TENM3: variants seen among roughly 807,000 people sequenced by gnomAD.
The protein encoded by TENM3 is teneurin-3.
A neutral mutation model predicts 255.1 loss-of-function variants in TENM3; 63 were observed. The ratio of observed to expected loss-of-function variants is 0.25; its 90% CI spans 0.20 to 0.30. TENM3 has a LOEUF of 0.30. Among genes scored for constraint, TENM3 ranks in the 10% least tolerant of loss-of-function variants. The pLI is 1.00. For missense variants in TENM3, 2,929 were observed against 3,461.1 expected, an observed-to-expected ratio of 0.85 and a Z score of 3.86; for synonymous variants, 1,306 against 1,322.3, an observed-to-expected ratio of 0.99 and a Z score of 0.27.
At chr4:181,804,835 A>C in the TENM3 span, among the ~76,000 whole-genome samples, 1 of 152,066 alleles carries the variant, frequency 6.6e-6, no homozygotes. Context: ...CATTGCCAGA[A>C]ACCTGTCTTT....
chr4:181,629,874 C>G, the TENM3 span, among the ~76,000 whole-genome samples: 1 of 152,182 alleles, frequency 6.6e-6, no homozygotes, highest in African/African-American at 2.4e-5. Flanking sequence ...GGAGCATTCC[C>G]TCTTTTTCTG....
chr4:182,508,396 C>T lies in TENM3; in HGVS notation c.512-92528C>T, dbSNP rs142931685. Among the ~76,000 whole-genome samples, 8 of 152,244 alleles carry T rather than the reference C, an allele frequency of 5.3e-5. No individual in the cohort carries two copies. The East Asian group carries it at 1.2e-3, about 22-fold the overall frequency. On this transcript the variant is annotated intron_variant, in intron 3 of 27. Transcript: ENST00000511685. ...ATTTGGCAATTGAGTACCAATAATACGATAGTCATAGATTAGGTATAACTA... is the reference window on the plus strand; with the variant it reads ...ATTTGGCAATTGAGTACCAATAATATGATAGTCATAGATTAGGTATAACTA...
chr4:182,199,564 A>G (rs1754049166), intron 1 of TENM3, among the ~76,000 whole-genome samples: 1 of 152,124 alleles, frequency 6.6e-6, no homozygotes, highest in Non-Finnish European at 1.5e-5. Context: ...CCCATGAAAA[A>G]GTGTGTTTTT....
the TENM3 span, among the ~76,000 whole-genome samples, chr4:181,630,636 C>T: frequency 3.3e-5 from 5 of 152,102 alleles, no homozygotes; most frequent in Admixed American, 2.0e-4. Flanking sequence ...AGTTTCCATG[C>T]AGTTGAGCGG....
rs545917984 is a variant in TENM3 at position 182,785,230 on chromosome 4, A to C, written c.5305-3863A>C. Among the ~76,000 whole-genome samples, 143 of 151,490 alleles carry C rather than the reference A, an allele frequency of 9.4e-4. 1 individual carries two copies. Among genetic ancestry groups the C allele is most frequent in the African/African-American group, 3.2e-3 (134 of 41,318 alleles). The stretch of plus-strand genomic sequence containing the variant: ...TAGCTGGGACTACAGGCACCTCCAC[A>C]CCTGGCTAATTTTTGTATTTTTCTA... On this transcript the variant is annotated intron_variant, in intron 24 of 27. Transcript: ENST00000511685.
At chr4:182,059,427 T>C in the TENM3 span, among the ~76,000 whole-genome samples, 2 of 152,168 alleles carry the variant, frequency 1.3e-5, no homozygotes, top group African/African-American at 4.8e-5. Context: ...TTTTTGTGAT[T>C]GTTTCTTTTA....
chr4:182,730,195 A>C lies in TENM3; in HGVS notation c.2586-5A>C, dbSNP rs1226295092. Reference sequence around the variant, plus strand: ...TTCATTCTCATTCTTCTGCTTTTCCAACAGCCTTGCATCTGTCATCAGAGG... The same window carrying C: ...TTCATTCTCATTCTTCTGCTTTTCCCACAGCCTTGCATCTGTCATCAGAGG... On this transcript the variant is annotated splice_region_variant and splice_polypyrimidine_tract_variant and intron_variant, in intron 14 of 27. Coordinates refer to ENST00000511685, the MANE Select transcript of TENM3 (RefSeq NM_001080477.4). 4 of 1,613,552 alleles carry C rather than the reference A, an allele frequency of 2.5e-6. No homozygotes were observed. In the African/African-American group the frequency reaches 5.3e-5, roughly 22 times the overall value.
chr4:181,505,381 T>C, the TENM3 span, among the ~76,000 whole-genome samples: 21 of 152,220 alleles, frequency 1.4e-4, no homozygotes, highest in Non-Finnish European at 2.8e-4. Flanking sequence ...TTCCTACAAA[T>C]GCAATAATAC....
chr4:181,454,682 C>CTTTTTTTTTTTTTTTTACCATTTTTATAT, the TENM3 span, among the ~76,000 whole-genome samples: 2 of 148,252 alleles, frequency 1.3e-5, no homozygotes, highest in South Asian at 2.1e-4. Flanking sequence ...CATTTTTATA[C>CTTTTTTTTTTTTTTTTACCATTTTTATAT]TTTTTTTTTC....
chr4:182,485,829 T>C (rs1173362611), intron 3 of TENM3, among the ~76,000 whole-genome samples: 1 of 152,186 alleles, frequency 6.6e-6, no homozygotes, highest in Admixed American at 6.5e-5. Context: ...GATTCAGAAA[T>C]GCAGTCAAGG....
chr4:182,220,719 G>T (rs2726815), intron 1 of TENM3, among the ~76,000 whole-genome samples: 96,203 of 152,110 alleles, frequency 0.63, 30,879 homozygotes, highest in Middle Eastern at 0.71. Flanking sequence ...ACATGGTATT[G>T]TATAATTACC....
chr4:181,599,520 C>T, the TENM3 span, among the ~76,000 whole-genome samples: 3,299 of 152,256 alleles, frequency 0.022, 135 homozygotes, highest in African/African-American at 0.076. Context: ...GTAACTTGCA[C>T]ACATTCTCCT....
intron 3 of TENM3, among the ~76,000 whole-genome samples, chr4:182,352,245 C>G (rs1453917655): frequency 6.6e-6 from 1 of 152,064 alleles, no homozygotes; most frequent in East Asian, 1.9e-4. Context: ...TTTATTGACT[C>G]TCTTATTTTT....
chr4:182,097,707 TATC>T, the TENM3 span, among the ~76,000 whole-genome samples: 1 of 152,318 alleles, frequency 6.6e-6, no homozygotes, highest in Non-Finnish European at 1.5e-5. Flanking sequence ...AGTATCTAAT[TATC>T]ATCATCATCA....
At chr4:181,604,219 C>G in the TENM3 span, among the ~76,000 whole-genome samples, 2 of 152,040 alleles carry the variant, frequency 1.3e-5, no homozygotes, top group Admixed American at 6.5e-5. Context: ...GAGCCGAGAT[C>G]GCGCCACAGC....
intron 4 of TENM3, among the ~76,000 whole-genome samples, chr4:182,617,216 A>G (rs1425224048): frequency 2.0e-5 from 3 of 152,212 alleles, no homozygotes; most frequent in African/African-American, 2.4e-5. Context: ...TGAATGCCCA[A>G]TTAGAGACCA....
the TENM3 span, among the ~76,000 whole-genome samples, chr4:181,785,815 T>C: frequency 2.0e-5 from 3 of 149,134 alleles, no homozygotes; most frequent in Non-Finnish European, 3.0e-5. Context: ...CACACACACA[T>C]ACACACACAC....
the TENM3 span, among the ~76,000 whole-genome samples, chr4:181,912,445 A>G: frequency 6.6e-6 from 1 of 152,228 alleles, no homozygotes; most frequent in Non-Finnish European, 1.5e-5. Context: ...AAAGAACAAA[A>G]TGACTGAAGA....
the TENM3 span, among the ~76,000 whole-genome samples, chr4:181,667,359 A>T: frequency 6.6e-6 from 1 of 152,176 alleles, no homozygotes. Flanking sequence ...TCTGTTCAAG[A>T]ACCTACCACT....
Sources: allele counts gnomAD v4.1 joint callset (sites outside exome capture counted in the v4.1 genomes callset), GRCh38; gene constraint gnomAD v4.1.1; transcripts MANE v1.5; gene names NCBI Gene and HGNC (gene_info 2026-07-23, HGNC 2026-07-21).